PCCA: variants seen among roughly 807,000 people sequenced by gnomAD.
PCCA encodes propionyl-CoA carboxylase subunit alpha.
A neutral mutation model predicts 101.3 loss-of-function variants in PCCA; 74 were observed. That is an observed-to-expected ratio of 0.73 (90% confidence interval 0.61 to 0.89). PCCA has a LOEUF of 0.89. PCCA is among the 40% of genes least tolerant of loss of function. The pLI is 0.00. For synonymous variants in PCCA, 294 were observed against 313.6 expected, an observed-to-expected ratio of 0.94 and a Z score of 0.66; for missense variants, 891 against 907.0, an observed-to-expected ratio of 0.98 and a Z score of 0.23.
intron 20 of PCCA, among the ~76,000 whole-genome samples, chr13:100,448,622 T>C (rs1266657734): frequency 1.3e-5 from 2 of 152,234 alleles, no homozygotes; most frequent in Non-Finnish European, 2.9e-5. Context: ...GTATTTACTT[T>C]TAATTAAAAT....
rs375554722 is a variant in PCCA, at chr13:100,232,351, CGTGTGTGT to C, written c.601-3457_601-3450del. On this transcript the variant is annotated intron_variant, in intron 7 of 23. Transcript: ENST00000376285. ...TTATGTTTATGTGTGTGTGTGTATG[CGTGTGTGT>C]GTGTGTGTGTGTGTGTGTGTGTGTG... 8.4e-3 allele frequency among the ~76,000 whole-genome samples: 1,102 copies of C among 131,248 alleles called. 19 individuals carry two copies. Among genetic ancestry groups the C allele is most frequent in the African/African-American group, 0.03 (1,043 of 34,638 alleles). The allele number at this position is 131,248 out of a possible 152,430, so 86.1% of individuals were successfully genotyped here.
chr13:100,301,592 G>C lies in PCCA; in HGVS notation c.1198G>C (p.Val400Leu), dbSNP rs759997621. The C allele has an allele frequency of 6.2e-7, 1 of 1,614,078 alleles. No homozygotes were observed. The highest frequency in any genetic ancestry group is 2.2e-5 in the East Asian group (1 of 44,884). ...CAACGGCTGGGCAGTTGAATGTCGG[G>C]TTTATGCTGAGGTAAAATGAATGGT... ...RINGWAVECR[V>L]YAEDPYKSFG... The change falls in exon 13 of 24, where the codon GTT (valine) becomes CTT (leucine). Residue 400 changes from valine (V) to leucine (L), a missense_variant. Transcript: ENST00000376285.
chr13:100,457,244 C>T (rs950938395), intron 21 of PCCA, among the ~76,000 whole-genome samples: 1 of 152,106 alleles, frequency 6.6e-6, no homozygotes, highest in Non-Finnish European at 1.5e-5. Flanking sequence ...TAACTATTTT[C>T]TTTAATATAC....
chr13:100,340,312 C>A, intron 18 of PCCA, 53 bp downstream of exon 18: 3 of 918,190 alleles, frequency 3.3e-6, no homozygotes, highest in African/African-American at 3.2e-5. Context: ...ATTGATAATC[C>A]AGTCTACATA....
intron 6 of PCCA, among the ~76,000 whole-genome samples, chr13:100,169,447 A>T (rs577820577): frequency 6.6e-6 from 1 of 152,192 alleles, no homozygotes; most frequent in South Asian, 2.1e-4. Flanking sequence ...TCAAAAAAAA[A>T]AAAAAAAATC....
chr13:100,403,289 A>G (rs2077475767), intron 19 of PCCA, among the ~76,000 whole-genome samples: 1 of 152,230 alleles, frequency 6.6e-6, no homozygotes, highest in South Asian at 2.1e-4. Flanking sequence ...AGGGCCAAAC[A>G]AACAACACTC....
At chr13:100,108,228 A>G (rs1032509715) in intron 2 of PCCA, among the ~76,000 whole-genome samples, 2 of 152,258 alleles carry the variant, frequency 1.3e-5, no homozygotes, top group Admixed American at 6.5e-5. Context: ...AAAGATCCTT[A>G]GGAAATCTTT....
At chr13:100,331,897 T>A (rs923681213) in intron 17 of PCCA, among the ~76,000 whole-genome samples, 3 of 137,978 alleles carry the variant, frequency 2.2e-5, no homozygotes, top group Non-Finnish European at 4.8e-5. Context: ...AAAAAAAAAA[T>A]CTTAGCCATA....
chr13:100,170,367 C>T (rs892301099), intron 6 of PCCA, among the ~76,000 whole-genome samples: 1 of 152,056 alleles, frequency 6.6e-6, no homozygotes, highest in African/African-American at 2.4e-5. Flanking sequence ...CTTGTTGCCC[C>T]CAGATTTGTT....
intron 7 of PCCA, among the ~76,000 whole-genome samples, chr13:100,214,269 G>C: frequency 6.6e-6 from 1 of 151,970 alleles, no homozygotes; most frequent in East Asian, 1.9e-4. Context: ...TTGGTATTTT[G>C]ATAAGGATTA....
Position 100,143,544 on chromosome 13 carries a change from A to T in PCCA, c.301-11435A>T, listed in dbSNP as rs541360088. Among the ~76,000 whole-genome samples, 335 of 143,278 alleles carry T rather than the reference A, an allele frequency of 2.3e-3. 2 individuals are homozygous for T. The highest frequency in any genetic ancestry group is 8.9e-3 in the African/African-American group (303 of 34,082). The allele number at this position is 143,278 out of a possible 152,430, so 94.0% of individuals were successfully genotyped here. ...AGCGAGACTCTGCATCCACAAAAAA[A>T]AAAAAATAAAAAAAAAAAATAAAAA... is the stretch of plus-strand genomic sequence containing the variant. On this transcript the variant is annotated intron_variant, in intron 4 of 23. Transcript: ENST00000376285.
At chr13:100,228,501 A>G (rs527916279) in intron 7 of PCCA, among the ~76,000 whole-genome samples, 17 of 152,130 alleles carry the variant, frequency 1.1e-4, no homozygotes, top group Non-Finnish European at 2.2e-4. Flanking sequence ...AATATTTTAA[A>G]GAGTGTTAAG....
intron 19 of PCCA, among the ~76,000 whole-genome samples, chr13:100,373,571 A>G (rs572692410): frequency 6.6e-6 from 1 of 152,274 alleles, no homozygotes; most frequent in African/African-American, 2.4e-5. Flanking sequence ...CAGAAACTAG[A>G]TTGGTGGTTG....
At chr13:100,440,376 AACCTTAAATTT>A (rs2080282434) in intron 20 of PCCA, among the ~76,000 whole-genome samples, 3 of 151,270 alleles carry the variant, frequency 2.0e-5, no homozygotes, top group Non-Finnish European at 3.0e-5. Context: ...TTAAAATTGT[AACCTTAAATTT>A]CAGTTTTGAA....
At chr13:100,484,441 G>C (rs544432346) in intron 21 of PCCA, among the ~76,000 whole-genome samples, 34 of 152,278 alleles carry the variant, frequency 2.2e-4, no homozygotes, top group African/African-American at 7.2e-4. Context: ...AGGGAGTAGA[G>C]AAACTCATCA....
At chr13:100,449,016 CA>C (rs2081035425) in intron 20 of PCCA, among the ~76,000 whole-genome samples, 1 of 152,234 alleles carries the variant, frequency 6.6e-6, no homozygotes, top group African/African-American at 2.4e-5. Context: ...CTATTCTGGA[CA>C]TCTCTTATTA....
intron 8 of PCCA, among the ~76,000 whole-genome samples, chr13:100,245,415 G>A (rs1006074904): frequency 6.6e-6 from 1 of 152,118 alleles, no homozygotes; most frequent in South Asian, 2.1e-4. Context: ...ACCAGACCTC[G>A]ACTATACCAC....
chr13:100,306,538 C>T (rs530793438), intron 14 of PCCA, among the ~76,000 whole-genome samples: 5 of 152,284 alleles, frequency 3.3e-5, no homozygotes, highest in South Asian at 2.1e-4. Flanking sequence ...CTAACTCACT[C>T]GTTGGCTGGT....
intron 20 of PCCA, among the ~76,000 whole-genome samples, chr13:100,446,822 A>C (rs2080866621): frequency 6.6e-6 from 1 of 152,212 alleles, no homozygotes; most frequent in East Asian, 1.9e-4. Context: ...CTAATTCTAG[A>C]ATTTTTCTGT....
Sources: allele counts gnomAD v4.1 joint callset (sites outside exome capture counted in the v4.1 genomes callset), GRCh38; gene constraint gnomAD v4.1.1; transcripts MANE v1.5; gene names NCBI Gene and HGNC (gene_info 2026-07-23, HGNC 2026-07-21).